CNKSR1: variants seen among roughly 807,000 people sequenced by gnomAD.
The protein encoded by CNKSR1 is CNK homolog protein 1.
CNKSR1 carries 88 observed loss-of-function variants against 95.6 expected under a neutral mutation model. That is an observed-to-expected ratio of 0.92 (90% confidence interval 0.78 to 1.10). The LOEUF (loss-of-function observed/expected upper bound fraction) is 1.10, where lower values mean the gene tolerates loss of function less well. CNKSR1 is among the 50% of genes least tolerant of loss of function. The pLI is 0.00. For synonymous variants in CNKSR1, 355 were observed against 369.7 expected (o/e 0.96, Z 0.46); for missense variants, 836 against 912.0 (o/e 0.92, Z 1.07).
chr1:26,183,161 C>G (rs537216865), intron 6 of CNKSR1, 36 bp from the exon 7 acceptor site: 3 of 1,611,260 alleles, frequency 1.9e-6, no homozygotes, highest in African/African-American at 2.7e-5. Context: ...CCTGTTGCCC[C>G]CCAGCCCCCG....
At chr1:26,183,078 C>T (rs1311673876) in intron 6 of CNKSR1, 119 bp from the exon 7 acceptor site, 1 of 1,016,542 alleles carries the variant, frequency 9.8e-7, no homozygotes, top group Non-Finnish European at 1.6e-6. Flanking sequence ...GCAGGACCAG[C>T]TTGGGGTCAG....
chr1:26,182,464 C>T lies in CNKSR1; in HGVS notation c.520-16C>T, dbSNP rs752961048. 24 of 1,613,338 alleles carry T rather than the reference C, an allele frequency of 1.5e-5. No homozygotes were observed. The highest frequency in any genetic ancestry group is 6.6e-5 in the South Asian group (6 of 91,062). ...GCGATCGGGCTCAGGCTACATAGCC[C>T]GCTCCCCTCCCCCAGTGCAGCCACG... On this transcript the variant is annotated splice_polypyrimidine_tract_variant and intron_variant, in intron 5 of 20. Coordinates refer to ENST00000361530, the MANE Select transcript of CNKSR1 (RefSeq NM_006314.3).
intron 4 of CNKSR1, 72 bp from the exon 5 acceptor site, chr1:26,182,289 G>A: frequency 4.0e-6 from 6 of 1,498,314 alleles, no homozygotes; most frequent in Non-Finnish European, 5.6e-6. Context: ...ATCCCACCCT[G>A]CCCCCAGGAG....
chr1:26,184,215 G>T lies in CNKSR1; in HGVS notation c.928G>T (p.Ala310Ser), dbSNP rs752286237. 6 of 1,613,118 alleles carry T rather than the reference G, an allele frequency of 3.7e-6. No individual in the cohort carries two copies. Among genetic ancestry groups the T allele is most frequent in the East Asian group, 4.5e-5 (2 of 44,770 alleles). ...SLSLAPLSPR[A>S]PSEDVFAFDL... ...TCTCATCCCCCTTGCCCTCCCCAGG[G>T]CCCCATCTGAAGACGTCTTTGCCTT... is the stretch of plus-strand genomic sequence containing the variant. The change falls in exon 11 of 21, where the codon GCC becomes TCC. Residue 310 changes from alanine (A) to serine (S), a missense_variant and splice_region_variant. Physicochemically the swap from Ala to Ser is moderately conservative, Grantham distance 99. Transcript: ENST00000361530.
intron 11 of CNKSR1, 23 bp from the exon 12 acceptor site, chr1:26,184,378 T>A (rs780324234): frequency 6.2e-7 from 1 of 1,608,480 alleles, no homozygotes; most frequent in South Asian, 1.1e-5. Context: ...AGACTTTCCC[T>A]CTCTCTCCTC....
At position 26,183,919 on chromosome 1, in the gene CNKSR1, C is replaced by A. The variant is rs1446752109; in HGVS notation, c.855+89C>A. ...ACCACCCCCACACCTGCCTTCAGAC[C>A]CCCCCCAACAGGCACCTTCCCCTGC... On this transcript the variant is annotated intron_variant, in intron 9 of 20. Transcript: ENST00000361530. The A allele has an allele frequency of 6.1e-6, 3 of 489,148 alleles. No homozygotes were observed. In the Admixed American group the frequency reaches 8.4e-5, roughly 14 times the overall value. 30.3% of individuals were successfully genotyped at this position (489,148 alleles called of 1,614,324 possible). A position where few individuals can be genotyped will look rare whatever the true frequency, so the allele number is the denominator to read the frequency against.
chr1:26,185,707 A>G (rs2088738543), intron 14 of CNKSR1, among the ~76,000 whole-genome samples: 1 of 151,646 alleles, frequency 6.6e-6, no homozygotes, highest in Non-Finnish European at 1.5e-5. Context: ...AAATCTGGGC[A>G]ACATAGCAAG....
rs200933964 is a variant in CNKSR1, at chr1:26,185,072, C to A, written c.1194C>A (p.Asp398Glu). Residue 398 changes from aspartate (D) to glutamate (E), a missense_variant, in exon 14 of 21, where the codon GAC becomes GAA. By Grantham distance (45) the Asp-to-Glu change is conservative. Coordinates refer to ENST00000361530, the MANE Select transcript of CNKSR1 (RefSeq NM_006314.3). The stretch of plus-strand genomic sequence containing the variant: ...CATGCCGTGAGCTGGGCCGGCCGGA[C>A]TGTGACGGCTGGCTCCTGTTGCGAA... ...RVSCRELGRP[D>E]CDGWLLLRKA... The A allele has an allele frequency of 6.2e-7, 1 of 1,605,794 alleles. No individual in the cohort carries two copies. The highest frequency in any genetic ancestry group is 2.2e-5 in the East Asian group (1 of 44,716).
At chr1:26,181,983 C>A (rs750553529) in intron 4 of CNKSR1, 42 bp downstream of exon 4, 3 of 1,554,904 alleles carry the variant, frequency 1.9e-6, no homozygotes, top group Non-Finnish European at 2.7e-6. Flanking sequence ...GCCCTAGAGA[C>A]CAAGCTGGGC....
rs762074036 is a variant in CNKSR1, at chr1:26,185,070, G to A, written c.1192G>A (p.Asp398Asn). 9 of 1,605,730 alleles carry A rather than the reference G, an allele frequency of 5.6e-6. No individual in the cohort carries two copies. The highest frequency in any genetic ancestry group is 1.3e-5 in the African/African-American group (1 of 74,886). ...RVSCRELGRP[D>N]CDGWLLLRKA... ...GTCATGCCGTGAGCTGGGCCGGCCG[G>A]ACTGTGACGGCTGGCTCCTGTTGCG... Residue 398 changes from aspartate (D) to asparagine (N), a missense_variant, in exon 14 of 21, where the codon GAC (aspartate) becomes AAC (asparagine). Asp to Asn is a conservative substitution (Grantham distance 23, BLOSUM62 1). Coordinates refer to ENST00000361530, the MANE Select transcript of CNKSR1 (RefSeq NM_006314.3).
chr1:26,180,956 TGG>T, intron 3 of CNKSR1, 60 bp downstream of exon 3: 4 of 1,599,218 alleles, frequency 2.5e-6, no homozygotes, highest in Non-Finnish European at 3.4e-6. Context: ...CTTCAGGGCG[TGG>T]GAGAGAAAAA....
intron 1 of CNKSR1, 123 bp from the exon 2 acceptor site, chr1:26,180,330 C>T (rs2088622382): frequency 1.6e-6 from 2 of 1,215,524 alleles, no homozygotes; most frequent in Non-Finnish European, 2.4e-6. Context: ...GGCAGAACAG[C>T]CTGGGTGTCA....
intron 1 of CNKSR1, among the ~76,000 whole-genome samples, chr1:26,178,879 G>T (rs2088602107): frequency 6.6e-6 from 1 of 152,060 alleles, no homozygotes; most frequent in Non-Finnish European, 1.5e-5. Context: ...GGGAGTGATA[G>T]GTTCATGAAC....
chr1:26,183,142 C>A, intron 6 of CNKSR1, 55 bp from the exon 7 acceptor site: 1 of 1,549,844 alleles, frequency 6.5e-7, no homozygotes, highest in Non-Finnish European at 8.9e-7. Flanking sequence ...GGGGGTCCTG[C>A]CTATTGGCCC....
intron 5 of CNKSR1, 31 bp downstream of exon 5, chr1:26,182,433 G>T: frequency 6.2e-7 from 1 of 1,613,854 alleles, no homozygotes; most frequent in East Asian, 2.2e-5. Flanking sequence ...GAGAGTGGGG[G>T]TAGGGGCGAT....
At chr1:26,183,685 G>A (rs2088685083) in intron 8 of CNKSR1, 44 bp from the exon 9 acceptor site, 2 of 1,411,506 alleles carry the variant, frequency 1.4e-6, no homozygotes, top group African/African-American at 2.8e-5. Flanking sequence ...TTGCTTTAGA[G>A]CCTCCTGCCC....
chr1:26,180,195 C>T, intron 1 of CNKSR1: 1 of 549,918 alleles, frequency 1.8e-6, no homozygotes, highest in Non-Finnish European at 3.3e-6. Context: ...TGGGGTGAGG[C>T]CTGATAATTT....
intron 1 of CNKSR1, among the ~76,000 whole-genome samples, chr1:26,179,851 G>A (rs1185939141): frequency 1.3e-5 from 2 of 152,132 alleles, no homozygotes; most frequent in Non-Finnish European, 2.9e-5. Context: ...AATACAAACT[G>A]CTGGCTGGGC....
rs2088661524 is a variant in CNKSR1 at position 26,182,385 on chromosome 1, G to A, written c.502G>A (p.Gly168Ser). 1.9e-6 allele frequency: 3 copies of A among 1,614,094 alleles called. No homozygotes were observed. Among genetic ancestry groups the A allele is most frequent in the Non-Finnish European group, 1.7e-6 (2 of 1,179,986 alleles). ...GGATGGTCCAGCGGCTGAGAAGGAG[G>A]GCACAGTCCTGAGGATCGTGAGTCT... ...HEDGPAAEKE[G>S]TVLRICSHVA... The change falls in exon 5 of 21, where the codon GGC (glycine) becomes AGC (serine). Residue 168 changes from glycine to serine, a missense_variant. Physicochemically the swap from Gly to Ser is moderately conservative, Grantham distance 56. Coordinates refer to ENST00000361530, the MANE Select transcript of CNKSR1 (RefSeq NM_006314.3).
Sources: allele counts gnomAD v4.1 joint callset (sites outside exome capture counted in the v4.1 genomes callset), GRCh38; gene constraint gnomAD v4.1.1; transcripts MANE v1.5; gene names NCBI Gene and HGNC (gene_info 2026-07-23, HGNC 2026-07-21).